Variants in PHKB observed in about 807,000 individuals in gnomAD.
PHKB encodes phosphorylase kinase regulatory subunit beta, also known as phosphorylase b kinase regulatory subunit beta.
A neutral mutation model predicts 152.1 loss-of-function variants in PHKB; 122 were observed. That is an observed-to-expected ratio of 0.80 (90% CI 0.69 to 0.93). The LOEUF (loss-of-function observed/expected upper bound fraction) is 0.93. PHKB is among the 40% of genes least tolerant of loss of function. The pLI is 0.00. For missense variants in PHKB, 1,304 were observed against 1,328.4 expected (o/e 0.98, Z 0.29); for synonymous variants, 436 against 464.9 (o/e 0.94, Z 0.80).
chr16:47,535,789 G>T (rs1970941760), intron 6 of PHKB, among the ~76,000 whole-genome samples: 1 of 152,046 alleles, frequency 6.6e-6, no homozygotes, highest in African/African-American at 2.4e-5. Context: ...TTGCATTATT[G>T]TCTTAATGAT....
At chr16:47,586,346 G>T (rs768661740) in intron 8 of PHKB, among the ~76,000 whole-genome samples, 3 of 152,220 alleles carry the variant, frequency 2.0e-5, no homozygotes, top group Non-Finnish European at 2.9e-5. Flanking sequence ...AACCAGTAGA[G>T]ATGGGAGGTT....
At chr16:47,528,696 C>CTTT (rs11450311) in intron 6 of PHKB, among the ~76,000 whole-genome samples, 7 of 137,386 alleles carry the variant, frequency 5.1e-5, no homozygotes, top group Admixed American at 7.4e-5. Context: ...AGGACTTTTT[C>CTTT]TTTTTTTTTT....
intron 16 of PHKB, among the ~76,000 whole-genome samples, chr16:47,646,572 TA>T (rs35849346): frequency 0.037 from 3,988 of 107,604 alleles, 56 homozygotes; most frequent in African/African-American, 0.05. Context: ...AAAAAAATAA[TA>T]AAAAAAAAAA....
At chr16:47,474,628 T>A (rs774869212) in intron 1 of PHKB, among the ~76,000 whole-genome samples, 4 of 152,224 alleles carry the variant, frequency 2.6e-5, no homozygotes, top group Non-Finnish European at 4.4e-5. Context: ...ATTAACTTTG[T>A]CGGCTCACTT....
intron 24 of PHKB, 26 bp downstream of exon 24, chr16:47,663,760 T>C (rs1003909454): frequency 2.3e-6 from 3 of 1,323,216 alleles, no homozygotes; most frequent in African/African-American, 1.4e-5. Context: ...CTTGTTGTTA[T>C]GTTTTATTTT....
chr16:47,656,119 C>A (rs932266254), intron 20 of PHKB, among the ~76,000 whole-genome samples: 2 of 151,832 alleles, frequency 1.3e-5, no homozygotes, highest in Non-Finnish European at 2.9e-5. Context: ...CAGGTTCAAG[C>A]GATTCTCCTG....
At chr16:47,698,063 C>CCCGTCTCTCCACAGACAGTGTTTT (rs1974181494) in intron 29 of PHKB, among the ~76,000 whole-genome samples, 2 of 152,118 alleles carry the variant, frequency 1.3e-5, no homozygotes, top group Admixed American at 1.3e-4. Context: ...TGGTCCCTGA[C>CCCGTCTCTCCACAGACAGTGTTTT]CCGTCTCTCC....
chr16:47,646,465 G>T (rs1267726923), intron 16 of PHKB, among the ~76,000 whole-genome samples: 1 of 126,922 alleles, frequency 7.9e-6, no homozygotes, highest in East Asian at 2.2e-4. Flanking sequence ...CACCAGCATG[G>T]CACATGTATA....
chr16:47,698,353 A>C, intron 29 of PHKB, 95 bp from the exon 30 acceptor site: 1 of 937,846 alleles, frequency 1.1e-6, no homozygotes. Flanking sequence ...CATCATATAG[A>C]ATATCCTTTG....
At chr16:47,666,486 A>G (rs536285458) in intron 25 of PHKB, among the ~76,000 whole-genome samples, 58 of 152,284 alleles carry the variant, frequency 3.8e-4, no homozygotes, top group Non-Finnish European at 7.2e-4. Flanking sequence ...GCCCCAGGCC[A>G]TCTCTAACCC....
At chr16:47,475,808 T>C (rs1033084308) in intron 1 of PHKB, among the ~76,000 whole-genome samples, 10 of 152,236 alleles carry the variant, frequency 6.6e-5, no homozygotes, top group African/African-American at 2.4e-5. Flanking sequence ...TTGATGTTCT[T>C]CCTGCTTTGA....
At chr16:47,674,976 C>T (rs1567351354) in intron 26 of PHKB, among the ~76,000 whole-genome samples, 1 of 152,202 alleles carries the variant, frequency 6.6e-6, no homozygotes, top group African/African-American at 2.4e-5. Flanking sequence ...CCATTTCTGC[C>T]AGTAACTTAA....
chr16:47,481,607 A>T (rs1481895102), intron 1 of PHKB, among the ~76,000 whole-genome samples: 2 of 152,360 alleles, frequency 1.3e-5, no homozygotes, highest in African/African-American at 4.8e-5. Flanking sequence ...TTGGTTTCCC[A>T]CATTGTGCCC....
chr16:47,591,369 C>T (rs778063566), intron 10 of PHKB, among the ~76,000 whole-genome samples: 1 of 152,182 alleles, frequency 6.6e-6, no homozygotes, highest in Non-Finnish European at 1.5e-5. Flanking sequence ...CTTCTGAGCA[C>T]TCCCCAGTAG....
chr16:47,511,836 C>G, intron 5 of PHKB, 64 bp downstream of exon 5: 1 of 1,084,394 alleles, frequency 9.2e-7, no homozygotes, highest in Non-Finnish European at 1.4e-6. Context: ...GATCCCCAAC[C>G]TTTTTGGCAC....
intron 26 of PHKB, among the ~76,000 whole-genome samples, chr16:47,688,742 A>G (rs1597183276): frequency 8.4e-6 from 1 of 119,278 alleles, no homozygotes; most frequent in South Asian, 2.6e-4. Context: ...GCAGCTGTTT[A>G]TGTACAGAAT....
chr16:47,478,979 T>C (rs1355158906), intron 1 of PHKB, among the ~76,000 whole-genome samples: 6 of 152,164 alleles, frequency 3.9e-5, no homozygotes, highest in Admixed American at 3.9e-4. Flanking sequence ...GATCTTGTTT[T>C]TGGTGTTGGT....
At chr16:47,462,459 C>T (rs1015848020) in intron 1 of PHKB, 1 of 152,174 alleles carries the variant, frequency 6.6e-6, no homozygotes, top group Non-Finnish European at 1.5e-5. Flanking sequence ...CCTGGTAAAA[C>T]CCCATCTCTA....
At chr16:47,486,885 G>C (rs1328307814) in intron 1 of PHKB, among the ~76,000 whole-genome samples, 1 of 152,212 alleles carries the variant, frequency 6.6e-6, no homozygotes, top group Admixed American at 6.5e-5. Flanking sequence ...CAGGCTTTCA[G>C]AGATTTATTC....
Sources: allele counts gnomAD v4.1 joint callset (sites outside exome capture counted in the v4.1 genomes callset), GRCh38; gene constraint gnomAD v4.1.1; transcripts MANE v1.5; gene names NCBI Gene and HGNC (gene_info 2026-07-23, HGNC 2026-07-21).